ZNF608: variants seen among roughly 807,000 people sequenced by gnomAD.
ZNF608 encodes the protein renal carcinoma antigen NY-REN-36.
A neutral mutation model predicts 109.0 loss-of-function variants in ZNF608; 12 were observed. That is an observed-to-expected ratio of 0.11 (90% CI 0.07 to 0.18). ZNF608 has a LOEUF of 0.18. ZNF608 is among the 10% of genes least tolerant of loss of function. The probability of loss-of-function intolerance (pLI) is 1.00; values close to 1 mark genes in which losing one functional copy is unlikely to be tolerated. For synonymous variants in ZNF608, 732 were observed against 717.4 expected (o/e 1.02, Z -0.33); for missense variants, 1,707 against 1,879.3 (o/e 0.91, Z 1.70).
At chr5:124,638,816 G>A (rs1426676665) in intron 9 of ZNF608, 7 of 1,099,958 alleles carry the variant, frequency 6.4e-6, no homozygotes, top group Admixed American at 4.4e-5. Flanking sequence ...CTCCATTTGC[G>A]ACTTTATCTT....
chr5:124,698,986 T>C (rs1034553511), intron 3 of ZNF608, among the ~76,000 whole-genome samples: 1 of 152,140 alleles, frequency 6.6e-6, no homozygotes, highest in Non-Finnish European at 1.5e-5. Flanking sequence ...AGCAATAAAC[T>C]GATGGGAGTG....
chr5:124,710,278 G>A, intron 2 of ZNF608: 1 of 443,492 alleles, frequency 2.3e-6, no homozygotes, highest in African/African-American at 2.0e-5. Context: ...ATTTCTCTCA[G>A]CTTAACATCA....
chr5:124,637,766 G>T lies in ZNF608; in HGVS notation c.*134C>A. 1 of 822,608 alleles carries T rather than the reference G, an allele frequency of 1.2e-6. No homozygotes were observed. The highest frequency in any genetic ancestry group is 1.9e-6 in the Non-Finnish European group (1 of 527,136). 51.0% of individuals were successfully genotyped at this position (822,608 alleles called of 1,614,324 possible). A position where few individuals can be genotyped will look rare whatever the true frequency, so the allele number is the denominator to read the frequency against. Reference sequence around the variant, plus strand: ...CATTTGTTACTCTGTGATAAAATCTGTAATTTACAAAAATGAAATGACTGG... The same window carrying T: ...CATTTGTTACTCTGTGATAAAATCTTTAATTTACAAAAATGAAATGACTGG... On this transcript the variant is annotated 3_prime_UTR_variant, in exon 10 of 10. Transcript: ENST00000513986.
intron 3 of ZNF608, among the ~76,000 whole-genome samples, chr5:124,686,533 T>C (rs1262775748): frequency 6.6e-6 from 1 of 152,244 alleles, no homozygotes; most frequent in African/African-American, 2.4e-5. Context: ...CACATGTTTG[T>C]CTGGACAATA....
intron 7 of ZNF608, among the ~76,000 whole-genome samples, chr5:124,642,307 G>A (rs1750278614): frequency 6.6e-6 from 1 of 152,166 alleles, no homozygotes; most frequent in South Asian, 2.1e-4. Flanking sequence ...TACTTCAGCA[G>A]AGTTAAAGGG....
intron 2 of ZNF608, among the ~76,000 whole-genome samples, chr5:124,715,246 T>G (rs1484289422): frequency 6.6e-6 from 1 of 152,160 alleles, no homozygotes; most frequent in Non-Finnish European, 1.5e-5. Flanking sequence ...AGTTACCAAG[T>G]CAGCTCATTT....
intron 2 of ZNF608, among the ~76,000 whole-genome samples, chr5:124,741,961 G>A (rs1749429260): frequency 6.6e-6 from 1 of 152,188 alleles, no homozygotes; most frequent in Admixed American, 6.5e-5. Flanking sequence ...AACTCCAGTG[G>A]CTAAGATTGG....
At chr5:124,644,122 C>T (rs1750382679) in intron 6 of ZNF608, 122 bp downstream of exon 6, 1 of 898,654 alleles carries the variant, frequency 1.1e-6, no homozygotes, top group Non-Finnish European at 1.6e-6. Context: ...GGACTTTAAA[C>T]AGCATAAAAA....
chr5:124,674,539 CAATT>C (rs1751856705), intron 3 of ZNF608, among the ~76,000 whole-genome samples: 1 of 152,196 alleles, frequency 6.6e-6, no homozygotes, highest in South Asian at 2.1e-4. Context: ...CATATTAAAT[CAATT>C]AATTCAGAAT....
At chr5:124,672,429 T>C (rs141549588) in intron 3 of ZNF608, among the ~76,000 whole-genome samples, 2 of 152,336 alleles carry the variant, frequency 1.3e-5, no homozygotes, top group Non-Finnish European at 2.9e-5. Context: ...AACTATGCCC[T>C]CAATTACCTC....
At chr5:124,660,787 G>A (rs188103635) in intron 3 of ZNF608, among the ~76,000 whole-genome samples, 165 of 152,234 alleles carry the variant, frequency 1.1e-3, no homozygotes, top group Non-Finnish European at 1.8e-3. Context: ...GTACTACGGC[G>A]TCCTCATCTT....
chr5:124,640,317 T>G (rs1380877037), intron 8 of ZNF608, among the ~76,000 whole-genome samples: 1 of 152,160 alleles, frequency 6.6e-6, no homozygotes, highest in Admixed American at 6.5e-5. Context: ...AGGAGGTAAT[T>G]AAGGTTAAAT....
chr5:124,709,833 T>C (rs1753418376), intron 2 of ZNF608, among the ~76,000 whole-genome samples: 1 of 152,198 alleles, frequency 6.6e-6, no homozygotes, highest in Non-Finnish European at 1.5e-5. Context: ...GAGACCATCG[T>C]AAAGGCACTA....
At chr5:124,675,962 G>A (rs935052325) in intron 3 of ZNF608, among the ~76,000 whole-genome samples, 1 of 152,174 alleles carries the variant, frequency 6.6e-6, no homozygotes, top group Non-Finnish European at 1.5e-5. Flanking sequence ...CTTTCTGGGA[G>A]GTAGTATCTC....
chr5:124,683,566 C>A (rs1390393178), intron 3 of ZNF608, among the ~76,000 whole-genome samples: 3 of 151,902 alleles, frequency 2.0e-5, no homozygotes, highest in Non-Finnish European at 4.4e-5. Context: ...GAGGAAAATG[C>A]CAGTTCAAAG....
chr5:124,662,940 G>C (rs1240658088), intron 3 of ZNF608, among the ~76,000 whole-genome samples: 1 of 152,140 alleles, frequency 6.6e-6, no homozygotes. Context: ...CTAACACTTG[G>C]GGGTTGCCAC....
chr5:124,637,792 T>C lies in ZNF608; in HGVS notation c.*108A>G. 2.6e-6 allele frequency: 3 copies of C among 1,140,518 alleles called. No homozygotes were observed. Among genetic ancestry groups the C allele is most frequent in the Non-Finnish European group, 3.8e-6 (3 of 793,960 alleles). The allele number at this position is 1,140,518 out of a possible 1,614,324, so 70.6% of individuals were successfully genotyped here. On this transcript the variant is annotated 3_prime_UTR_variant, in exon 10 of 10. Transcript: ENST00000513986. Reference sequence around the variant, plus strand: ...TAATTTACAAAAATGAAATGACTGGTTTTTGCCTGCCATTAAGGCATTTCA... The same window carrying C: ...TAATTTACAAAAATGAAATGACTGGCTTTTGCCTGCCATTAAGGCATTTCA...
chr5:124,683,388 CATA>C (rs1752277809), intron 3 of ZNF608, among the ~76,000 whole-genome samples: 1 of 152,088 alleles, frequency 6.6e-6, no homozygotes, highest in Non-Finnish European at 1.5e-5. Flanking sequence ...GCTCATAACT[CATA>C]ATTATATTGG....
chr5:124,690,986 A>C (rs919223616), intron 3 of ZNF608, among the ~76,000 whole-genome samples: 1 of 151,504 alleles, frequency 6.6e-6, no homozygotes, highest in African/African-American at 2.4e-5. Flanking sequence ...TTTTTTACAC[A>C]ACTTTTTTTA....
Sources: gnomAD v4.1 joint callset for allele counts (sites outside exome capture counted in the v4.1 genomes callset) on GRCh38, gnomAD v4.1.1 for gene constraint, MANE v1.5 for transcripts, NCBI Gene and HGNC (gene_info 2026-07-23, HGNC 2026-07-21) for gene names.